CFHR3: variants seen among roughly 807,000 people sequenced by gnomAD.
CFHR3 encodes complement factor H related 3.
CFHR3 carries 22 observed loss-of-function variants against 36.0 expected under a neutral mutation model. The ratio of observed to expected loss-of-function variants is 0.61; its 90% CI spans 0.44 to 0.87. The LOEUF (loss-of-function observed/expected upper bound fraction) is 0.87, where lower values mean the gene tolerates loss of function less well. Among genes scored for constraint, CFHR3 ranks in the 40% least tolerant of loss-of-function variants. The probability of loss-of-function intolerance (pLI) is 0.00; values close to 1 mark genes in which losing one functional copy is unlikely to be tolerated. For missense variants in CFHR3, 276 were observed against 401.3 expected, an observed-to-expected ratio of 0.69 and a Z score of 2.67; for synonymous variants, 97 against 137.4, an observed-to-expected ratio of 0.71 and a Z score of 2.06.
intron 4 of CFHR3, chr1:196,789,227 T>A (rs866075812): frequency 1.2e-6 from 1 of 859,940 alleles, no homozygotes; most frequent in Non-Finnish European, 1.4e-6. Context: ...ATTCAACTAT[T>A]TTTAGTCATG....
intron 5 of CFHR3, among the ~76,000 whole-genome samples, chr1:196,791,981 G>A (rs1183320716): frequency 1.1e-3 from 152 of 133,842 alleles, no homozygotes; most frequent in African/African-American, 4.6e-3. Context: ...AAGAAGCAAA[G>A]AGCATTCAAG....
rs147799678 is a variant in CFHR3 at position 196,793,953 on chromosome 1, G to A, written c.*440G>A. 210 of 146,212 alleles carry A rather than the reference G, an allele frequency of 1.4e-3. 58 individuals carry two copies. The highest frequency in any genetic ancestry group is 6.0e-3 in the African/African-American group (198 of 32,800). The allele number at this position is 146,212 out of a possible 1,614,324, so 9.1% of individuals were successfully genotyped here. A position where few individuals can be genotyped will look rare whatever the true frequency, so the allele number is the denominator to read the frequency against. On this transcript the variant is annotated 3_prime_UTR_variant, in exon 6 of 6. Coordinates refer to ENST00000367425, the MANE Select transcript of CFHR3 (RefSeq NM_021023.6). ...TTGTAGCCATGGTCCTCTAGATGCA[G>A]TTAACCAAATAGGGTCATTTTTATT...
At position 196,779,872 on chromosome 1, in the gene CFHR3, C is replaced by A. The variant is rs1238197794; in HGVS notation, c.329C>A (p.Thr110Lys). The change falls in exon 3 of 6, where the codon ACA (threonine) becomes AAA (lysine). Residue 110 changes from threonine to lysine, a missense_variant. Physicochemically the swap from Thr to Lys is moderately conservative, Grantham distance 78 (BLOSUM62 -1). Transcript: ENST00000367425. The stretch of plus-strand genomic sequence containing the variant: ...AGAAAGTTTGTACAGGGTAACTCTA[C>A]AGAAGTTGCCTGCCATCCTGGCTAC... ...YGRKFVQGNS[T>K]EVACHPGYGL... 6.5e-7 allele frequency: 1 copy of A among 1,533,024 alleles called. No individual in the cohort carries two copies. The allele number at this position is 1,533,024 out of a possible 1,614,324, so 95.0% of individuals were successfully genotyped here.
rs1654451174 is a variant in CFHR3, at chr1:196,792,235, T to C, written c.797-1082T>C. ...AGTGATATGTACTATGTTAAGAAAT[T>C]TATTTAAGTAAGTACTTGAAAGATG... On this transcript the variant is annotated intron_variant, in intron 5 of 5. Transcript: ENST00000367425. 1.8e-5 allele frequency among the ~76,000 whole-genome samples: 2 copies of C among 113,516 alleles called. 1 individual carries two copies. Among genetic ancestry groups the C allele is most frequent in the African/African-American group, 9.0e-5 (2 of 22,258 alleles). The allele number at this position is 113,516 out of a possible 152,430, so 74.5% of individuals were successfully genotyped here. A position where few individuals can be genotyped will look rare whatever the true frequency, so the allele number is the denominator to read the frequency against.
intron 1 of CFHR3, among the ~76,000 whole-genome samples, chr1:196,776,657 C>T (rs1463758504): frequency 7.3e-6 from 1 of 136,388 alleles, no homozygotes; most frequent in African/African-American, 3.1e-5. Context: ...CAGAAGCATC[C>T]AATCCTGTTG....
At chr1:196,778,380 T>C (rs1653815551) in intron 1 of CFHR3, among the ~76,000 whole-genome samples, 1 of 137,324 alleles carries the variant, frequency 7.3e-6, no homozygotes, top group South Asian at 2.5e-4. Flanking sequence ...GATTTTTCCT[T>C]AGTGATATTC....
chr1:196,776,204 G>T (rs1227845438), intron 1 of CFHR3, among the ~76,000 whole-genome samples: 1 of 131,592 alleles, frequency 7.6e-6, no homozygotes, highest in African/African-American at 3.2e-5. Flanking sequence ...CTATAGAAAA[G>T]AATGATGACA....
At chr1:196,784,279 G>A (rs1654093344) in intron 3 of CFHR3, among the ~76,000 whole-genome samples, 1 of 136,588 alleles carries the variant, frequency 7.3e-6, no homozygotes, top group Non-Finnish European at 1.6e-5. Flanking sequence ...TGTATATTCT[G>A]TCGATTTGGG....
chr1:196,780,264 G>A lies in CFHR3; in HGVS notation c.430+291G>A, dbSNP rs568996553. On this transcript the variant is annotated intron_variant, in intron 3 of 5. Transcript: ENST00000367425. The stretch of plus-strand genomic sequence containing the variant: ...ATATTGAAGCGGCATTAATGTCTCG[G>A]GTAAATACCCGAGGTTCGTCATCTT... 2.9e-5 allele frequency among the ~76,000 whole-genome samples: 4 copies of A among 136,742 alleles called. 1 individual carries two copies. In the East Asian group the frequency reaches 7.8e-4, roughly 27 times the overall value. 89.7% of individuals were successfully genotyped at this position (136,742 alleles called of 152,430 possible).
chr1:196,787,227 A>G (rs962447601), intron 3 of CFHR3, among the ~76,000 whole-genome samples: 1 of 137,308 alleles, frequency 7.3e-6, no homozygotes, highest in African/African-American at 3.0e-5. Flanking sequence ...TTCTCCTGCC[A>G]TAAGCACCAA....
Position 196,794,454 on chromosome 1 carries a change from C to A in CFHR3, c.*941C>A, listed in dbSNP as rs1654524139. The A allele has an allele frequency of 5.5e-6, 2 of 362,852 alleles. 1 individual carries two copies. The highest frequency in any genetic ancestry group is 1.1e-5 in the Non-Finnish European group (2 of 187,070). 22.5% of individuals were successfully genotyped at this position (362,852 alleles called of 1,614,324 possible). On this transcript the variant is annotated 3_prime_UTR_variant, in exon 6 of 6. Transcript: ENST00000367425. ...CTCCAGCCTGGGCAATAGAGTGAGA[C>A]TCTGTCTTAAAAATAAATAAATAGG...
At chr1:196,792,989 G>A (rs544807294) in intron 5 of CFHR3, among the ~76,000 whole-genome samples, 1 of 134,784 alleles carries the variant, frequency 7.4e-6, no homozygotes, top group East Asian at 2.0e-4. Flanking sequence ...TGACTCCAAT[G>A]GAACATGTTA....
intron 1 of CFHR3, among the ~76,000 whole-genome samples, chr1:196,776,467 T>C (rs1653725167): frequency 7.3e-6 from 1 of 137,696 alleles, no homozygotes; most frequent in Admixed American, 7.0e-5. Flanking sequence ...AGAATGTGAC[T>C]GCATTTGGAG....
chr1:196,788,330 C>T lies in CFHR3; in HGVS notation c.545C>T (p.Ala182Val). The T allele has an allele frequency of 6.5e-7, 1 of 1,528,092 alleles. No homozygotes were observed. Among genetic ancestry groups the T allele is most frequent in the Non-Finnish European group, 8.8e-7 (1 of 1,131,320 alleles). 94.7% of individuals were successfully genotyped at this position (1,528,092 alleles called of 1,614,324 possible). A position where few individuals can be genotyped will look rare whatever the true frequency, so the allele number is the denominator to read the frequency against. ...AAATGTAAACCAGGATATGCAACAG[C>T]AGATGGAAATTCTTCAGGATCAATT... ...QYKCKPGYAT[A>V]DGNSSGSITC... The change falls in exon 4 of 6, where the codon GCA becomes GTA. Residue 182 changes from alanine (A) to valine (V), a missense_variant. Physicochemically the swap from Ala to Val is moderately conservative, Grantham distance 64 (BLOSUM62 0). Around this residue, in one of 3 missense-constraint regions of CFHR3, gnomAD observed 178 missense variants for 247.2 expected, o/e 0.72. Coordinates refer to ENST00000367425, the MANE Select transcript of CFHR3 (RefSeq NM_021023.6).
At chr1:196,782,093 G>T (rs1182216774) in intron 3 of CFHR3, among the ~76,000 whole-genome samples, 1 of 137,106 alleles carries the variant, frequency 7.3e-6, no homozygotes, top group East Asian at 1.9e-4. Flanking sequence ...TCTCAGGTTT[G>T]TCAAAGATCA....
In CFHR3 at chr1:196,788,738, T is replaced by C. The variant is rs1381799869; in HGVS notation, c.613+340T>C. The C allele has an allele frequency of 1.1e-5, 16 of 1,452,750 alleles. 3 individuals are homozygous for C. The East Asian group carries it at 3.2e-4, about 29-fold the overall frequency. 90.0% of individuals were successfully genotyped at this position (1,452,750 alleles called of 1,614,324 possible). On this transcript the variant is annotated intron_variant, in intron 4 of 5. Transcript: ENST00000367425. ...TCTTCCCTTTCTTTGTATTTCAAAA[T>C]TATCAGCTGCTTGTATTGCATTCCG...
At chr1:196,792,045 G>A (rs912712770) in intron 5 of CFHR3, among the ~76,000 whole-genome samples, 3 of 132,122 alleles carry the variant, frequency 2.3e-5, no homozygotes, top group Non-Finnish European at 4.7e-5. Flanking sequence ...ATATACATAT[G>A]GCATATTAAA....
chr1:196,781,264 G>A (rs1261625186), intron 3 of CFHR3, among the ~76,000 whole-genome samples: 1 of 134,780 alleles, frequency 7.4e-6, no homozygotes, highest in Non-Finnish European at 1.6e-5. Flanking sequence ...ATAAGCATAC[G>A]TGTGCATGTG....
chr1:196,782,276 G>A lies in CFHR3; in HGVS notation c.430+2303G>A, dbSNP rs190941946. On this transcript the variant is annotated intron_variant, in intron 3 of 5. Coordinates refer to ENST00000367425, the MANE Select transcript of CFHR3 (RefSeq NM_021023.6). The stretch of plus-strand genomic sequence containing the variant: ...TGTTCTTTTGGCTTAGGATTGACTT[G>A]GTGATGCGGGCTCTTTTTTGGTTCC... Among the ~76,000 whole-genome samples the A allele has an allele frequency of 1.7e-3, 234 of 136,990 alleles. 55 individuals are homozygous for A. The highest frequency in any genetic ancestry group is 6.9e-3 in the African/African-American group (228 of 32,814). The allele number at this position is 136,990 out of a possible 152,430, so 89.9% of individuals were successfully genotyped here.
Sources: allele counts gnomAD v4.1 joint callset (sites outside exome capture counted in the v4.1 genomes callset), GRCh38; gene constraint gnomAD v4.1.1; regional missense constraint gnomAD v4.1.1; transcripts MANE v1.5; gene names NCBI Gene and HGNC (gene_info 2026-07-23, HGNC 2026-07-21).